The following PIEZO2 variants were observed in gnomAD, a reference collection of about 807,000 sequenced individuals.
PIEZO2 encodes piezo type mechanosensitive ion channel component 2, also known as piezo-type mechanosensitive ion channel component 2.
In PIEZO2, 172 loss-of-function variants were observed where a neutral mutation model predicts 337.3. That is an observed-to-expected ratio of 0.51 (90% CI 0.45 to 0.58). PIEZO2 has a LOEUF of 0.58. Ranked by LOEUF, PIEZO2 falls within the 20% of genes least tolerant of loss-of-function variation. The pLI, the probability that PIEZO2 is intolerant of heterozygous loss-of-function variation, is 0.00. For missense variants in PIEZO2, 3,028 were observed against 3,391.3 expected (o/e 0.89, Z 2.66); for synonymous variants, 1,251 against 1,228.5 (o/e 1.02, Z -0.38).
In PIEZO2 at chr18:11,129,952, C is replaced by T. The variant is rs569282914; in HGVS notation, c.64+18573G>A. On this transcript the variant is annotated intron_variant, in intron 1 of 55. Coordinates refer to ENST00000674853, the MANE Select transcript of PIEZO2 (RefSeq NM_001378183.1). This position sits in a 1 kb window ranked among gnomAD's most constrained non-coding sequence, Gnocchi z 4.6. ...CCCCAATGCCAGAATGCATAATTGA[C>T]ATAGACATACTCAGCAGCTGGCAGA... is the stretch of plus-strand genomic sequence containing the variant. Among the ~76,000 whole-genome samples, 21 of 152,308 alleles carry T rather than the reference C, an allele frequency of 1.4e-4. No individual in the cohort carries two copies. The highest frequency in any genetic ancestry group is 4.6e-4 in the African/African-American group (19 of 41,572).
chr18:10,960,838 G>A lies in PIEZO2; in HGVS notation c.286+18697C>T, dbSNP rs146641764. On this transcript the variant is annotated intron_variant, in intron 3 of 55. Transcript: ENST00000674853. ...TTCCTTATTTCTAAATGAAGAGACTGGACTGTGTCATCTGAAATGTTCCAT... is the reference window on the plus strand; with the variant it reads ...TTCCTTATTTCTAAATGAAGAGACTAGACTGTGTCATCTGAAATGTTCCAT... 4.8e-3 allele frequency among the ~76,000 whole-genome samples: 733 copies of A among 152,256 alleles called. 8 individuals carry two copies. The highest frequency in any genetic ancestry group is 0.016 in the African/African-American group (675 of 41,542).
chr18:10,974,737 C>T (rs1010853727), intron 3 of PIEZO2, among the ~76,000 whole-genome samples: 2 of 152,244 alleles, frequency 1.3e-5, no homozygotes, highest in Admixed American at 1.3e-4. Flanking sequence ...TCAGCACTAT[C>T]TGCAGGTTGG....
chr18:10,865,834 C>T (rs1225319788), intron 5 of PIEZO2, among the ~76,000 whole-genome samples: 1 of 152,098 alleles, frequency 6.6e-6, no homozygotes, highest in Non-Finnish European at 1.5e-5. Context: ...ACTCTGGTTC[C>T]TTTCATCTCA....
At chr18:10,896,929 C>G (rs2042917250) in intron 4 of PIEZO2, among the ~76,000 whole-genome samples, 2 of 152,182 alleles carry the variant, frequency 1.3e-5, no homozygotes, top group Non-Finnish European at 2.9e-5. Context: ...TCCACATAAT[C>G]TCTGCTGAAA....
In PIEZO2 at chr18:11,113,557, C is replaced by T. The variant is rs553688069; in HGVS notation, c.64+34968G>A. ...GGCCTTGTTCACTCCTGCAATCCTC[C>T]GTATAACAGAAAAGCCCTTTCTTAC... On this transcript the variant is annotated intron_variant, in intron 1 of 55. Coordinates refer to ENST00000674853, the MANE Select transcript of PIEZO2 (RefSeq NM_001378183.1). Among the ~76,000 whole-genome samples, 9 of 152,280 alleles carry T rather than the reference C, an allele frequency of 5.9e-5. No individual in the cohort carries two copies. The South Asian group carries it at 1.2e-3, about 21-fold the overall frequency.
At chr18:11,050,919 A>C (rs1297716990) in intron 2 of PIEZO2, among the ~76,000 whole-genome samples, 4 of 151,872 alleles carry the variant, frequency 2.6e-5, no homozygotes, top group Non-Finnish European at 5.9e-5. Context: ...AACTCAAATG[A>C]TATTTCAGAA....
Position 11,148,412 on chromosome 18 carries a change from G to A in PIEZO2, c.64+113C>T. The A allele has an allele frequency of 8.1e-7, 1 of 1,227,516 alleles. No individual in the cohort carries two copies. Among genetic ancestry groups the A allele is most frequent in the East Asian group, 2.6e-5 (1 of 39,016 alleles). 76.0% of individuals were successfully genotyped at this position (1,227,516 alleles called of 1,614,324 possible). ...GGACAGCGCGCGTCTGACGCCGCTG[G>A]CCTCCCGAATCGAACCCCAGAGCAC... On this transcript the variant is annotated intron_variant, in intron 1 of 55. Coordinates refer to ENST00000674853, the MANE Select transcript of PIEZO2 (RefSeq NM_001378183.1). The surrounding 1 kb of genome is among the most constrained non-coding windows in gnomAD (Gnocchi z 5.2).
Position 10,775,771 on chromosome 18 carries a change from T to C in PIEZO2, c.2535-1733A>G, listed in dbSNP as rs1029612770. On this transcript the variant is annotated intron_variant, in intron 18 of 55. Transcript: ENST00000674853. The surrounding 1 kb of genome is among the most constrained non-coding windows in gnomAD (Gnocchi z 4.3). ...GTCCACAAGGCTGATTTCTAGAAAC[T>C]TGTAATGGGACAAGATGCAGCTGCG... Among the ~76,000 whole-genome samples, 2 of 152,090 alleles carry C rather than the reference T, an allele frequency of 1.3e-5. No homozygotes were observed. Among genetic ancestry groups the C allele is most frequent in the Non-Finnish European group, 2.9e-5 (2 of 68,004 alleles).
At chr18:10,725,194 A>G in intron 36 of PIEZO2, 3 of 1,551,258 alleles carry the variant, frequency 1.9e-6, no homozygotes, top group East Asian at 2.2e-5. Context: ...GGCAGTTGGC[A>G]TCATTGAGGC....
At chr18:10,906,017 A>G (rs536941799) in intron 4 of PIEZO2, among the ~76,000 whole-genome samples, 1 of 152,264 alleles carries the variant, frequency 6.6e-6, no homozygotes, top group African/African-American at 2.4e-5. Flanking sequence ...AGGTGGTTGG[A>G]AATTTCTTTA....
Position 10,850,991 on chromosome 18 carries a change from G to A in PIEZO2, c.917+4362C>T, listed in dbSNP as rs1023086131. Among the ~76,000 whole-genome samples, 2 of 152,050 alleles carry A rather than the reference G, an allele frequency of 1.3e-5. No individual in the cohort carries two copies. Among genetic ancestry groups the A allele is most frequent in the Non-Finnish European group, 2.9e-5 (2 of 68,000 alleles). On this transcript the variant is annotated intron_variant, in intron 7 of 55. Transcript: ENST00000674853. The surrounding 1 kb of genome is among the most constrained non-coding windows in gnomAD (Gnocchi z 4.5). Reference sequence around the variant, plus strand: ...TTTTACCAGAAGATAAAAATTGCTTGGACTGTTTTAAGGGCAGCTTTATCT... The same window carrying A: ...TTTTACCAGAAGATAAAAATTGCTTAGACTGTTTTAAGGGCAGCTTTATCT...
rs1023834265 is a variant in PIEZO2, at chr18:10,846,967, G to A, written c.917+8386C>T. On this transcript the variant is annotated intron_variant, in intron 7 of 55. Transcript: ENST00000674853. This position sits in a 1 kb window ranked among gnomAD's most constrained non-coding sequence, Gnocchi z 4.1. ...AATAAAAATCAGTAGCACTTGATAT[G>A]CTCTCTCCTGCTTACTACACCCACC... Among the ~76,000 whole-genome samples, 27 of 152,262 alleles carry A rather than the reference G, an allele frequency of 1.8e-4. No individual in the cohort carries two copies. The highest frequency in any genetic ancestry group is 6.5e-4 in the African/African-American group (27 of 41,566).
Position 10,766,061 on chromosome 18 carries a change from G to A in PIEZO2, c.2947-2963C>T, listed in dbSNP as rs905759630. Among the ~76,000 whole-genome samples the A allele has an allele frequency of 6.6e-6, 1 of 152,026 alleles. No individual in the cohort carries two copies. Among genetic ancestry groups the A allele is most frequent in the Non-Finnish European group, 1.5e-5 (1 of 67,990 alleles). ...TATCATTTTACAAATAGAAAAACTG[G>A]GGCTCAGTGAATGAAGTATGATACT... On this transcript the variant is annotated intron_variant, in intron 21 of 55. Transcript: ENST00000674853. The surrounding 1 kb of genome is among the most constrained non-coding windows in gnomAD (Gnocchi z 6.1).
rs2039333465 is a variant in PIEZO2, at chr18:10,789,296, T to C, written c.1952A>G (p.Glu651Gly). 1 of 1,537,280 alleles carries C rather than the reference T, an allele frequency of 6.5e-7. No individual in the cohort carries two copies. The highest frequency in any genetic ancestry group is 8.7e-7 in the Non-Finnish European group (1 of 1,146,936). Reference protein sequence around the residue: ...KEEEEEEAKEEKQERKKVEQE... With the variant: ...KEEEEEEAKEGKQERKKVEQE... The stretch of plus-strand genomic sequence containing the variant: ...CTCTACCTTCTTTCTCTCTTGCTTC[T>C]CTTCCTTCGCTTCCTCTTCTTCCTC... Residue 651 changes from glutamate to glycine, a missense_variant, in exon 15 of 56, where the codon GAG becomes GGG. Glu to Gly is a moderately conservative substitution (Grantham distance 98, BLOSUM62 -2). Transcript: ENST00000674853.
chr18:10,919,675 A>T (rs1161079400), intron 3 of PIEZO2, among the ~76,000 whole-genome samples: 3 of 152,166 alleles, frequency 2.0e-5, no homozygotes, highest in Non-Finnish European at 4.4e-5. Flanking sequence ...AATTACTTCC[A>T]TATTACTCTC....
At chr18:11,139,712 A>G (rs949021368) in intron 1 of PIEZO2, among the ~76,000 whole-genome samples, 2 of 152,206 alleles carry the variant, frequency 1.3e-5, no homozygotes, top group African/African-American at 4.8e-5. Flanking sequence ...TAAAATAAAA[A>G]TGTAATCAGC....
In PIEZO2 at chr18:11,099,817, A is replaced by G. The variant is rs577234059; in HGVS notation, c.65-33595T>C. 1.3e-5 allele frequency among the ~76,000 whole-genome samples: 2 copies of G among 152,200 alleles called. No homozygotes were observed. Among genetic ancestry groups the G allele is most frequent in the South Asian group, 4.2e-4 (2 of 4,812 alleles). On this transcript the variant is annotated intron_variant, in intron 1 of 55. Transcript: ENST00000674853. The surrounding 1 kb of genome is among the most constrained non-coding windows in gnomAD (Gnocchi z 5.4). ...TTTATTTGATTCATTAGTGATTTGT[A>G]TATCTTCTTTTGTAAGTTGCTGATG...
intron 4 of PIEZO2, among the ~76,000 whole-genome samples, chr18:10,896,922 A>G (rs994524354): frequency 6.6e-6 from 1 of 152,172 alleles, no homozygotes; most frequent in African/African-American, 2.4e-5. Flanking sequence ...ATGGCCTTCC[A>G]CATAATCTCT....
intron 36 of PIEZO2, among the ~76,000 whole-genome samples, chr18:10,721,703 G>C (rs763690243): frequency 3.3e-5 from 5 of 152,042 alleles, no homozygotes; most frequent in Non-Finnish European, 7.4e-5. Flanking sequence ...TCAAAATACA[G>C]AGTCTGAAAA....
Sources: allele counts gnomAD v4.1 joint callset (sites outside exome capture counted in the v4.1 genomes callset), GRCh38; gene constraint gnomAD v4.1.1; non-coding constraint Gnocchi (gnomAD v3.1); transcripts MANE v1.5; gene names NCBI Gene and HGNC (gene_info 2026-07-23, HGNC 2026-07-21).